Variants in ZMAT4 observed in about 807,000 individuals in gnomAD.
ZMAT4 encodes the protein zinc finger matrin-type 4.
In ZMAT4, 17 loss-of-function variants were observed where a neutral mutation model predicts 28.7. The ratio of observed to expected loss-of-function variants is 0.59; its 90% CI spans 0.41 to 0.89. ZMAT4 has a LOEUF of 0.89. Ranked by LOEUF, ZMAT4 falls within the 40% of genes least tolerant of loss-of-function variation. ZMAT4 has a pLI of 0.00. For synonymous variants in ZMAT4, 117 were observed against 109.2 expected, an observed-to-expected ratio of 1.07 and a Z score of -0.44; for missense variants, 240 against 283.8, an observed-to-expected ratio of 0.85 and a Z score of 1.11.
At chr8:40,711,984 A>G (rs965254766) in intron 3 of ZMAT4, among the ~76,000 whole-genome samples, 5 of 152,190 alleles carry the variant, frequency 3.3e-5, no homozygotes, top group Admixed American at 3.3e-4. Context: ...TTTATAAAAG[A>G]TGAATTCCAG....
intron 1 of ZMAT4, among the ~76,000 whole-genome samples, chr8:40,880,650 GA>G (rs1818189278): frequency 6.6e-6 from 1 of 152,114 alleles, no homozygotes; most frequent in Non-Finnish European, 1.5e-5. Flanking sequence ...CTGAGAGGAA[GA>G]AACGAGGTAC....
At chr8:40,649,940 A>G (rs902237731) in intron 5 of ZMAT4, among the ~76,000 whole-genome samples, 1 of 151,908 alleles carries the variant, frequency 6.6e-6, no homozygotes, top group African/African-American at 2.4e-5. Flanking sequence ...GTAGAGGGAA[A>G]TTTATAGCAC....
intron 3 of ZMAT4, among the ~76,000 whole-genome samples, chr8:40,750,694 G>A (rs1346220694): frequency 6.6e-6 from 1 of 152,068 alleles, no homozygotes; most frequent in Admixed American, 6.5e-5. Context: ...TCAGACACCT[G>A]AAAAAAAGAA....
intron 6 of ZMAT4, among the ~76,000 whole-genome samples, chr8:40,532,521 A>G (rs1404605912): frequency 6.6e-6 from 1 of 152,214 alleles, no homozygotes; most frequent in Non-Finnish European, 1.5e-5. Flanking sequence ...TTAAATAAAA[A>G]TAATGAATTG....
intron 5 of ZMAT4, 36 bp downstream of exon 5, chr8:40,674,668 C>G (rs766746955): frequency 6.4e-7 from 1 of 1,553,120 alleles, no homozygotes; most frequent in South Asian, 1.1e-5. Flanking sequence ...TCTGAAAGCC[C>G]AGTTTTGTGG....
At chr8:40,782,760 A>C (rs1029966164) in intron 2 of ZMAT4, among the ~76,000 whole-genome samples, 3 of 152,224 alleles carry the variant, frequency 2.0e-5, no homozygotes, top group Non-Finnish European at 2.9e-5. Context: ...TTGGTTCTCC[A>C]GAAGAGATAT....
rs540014895 is a variant in ZMAT4 at position 40,709,951 on chromosome 8, T to A, written c.193-12550A>T. ...TACTGGGAAGGCTGAGGCAGGAGAA[T>A]CTCGTGAACCCCGGAGGTGGAGGTG... On this transcript the variant is annotated intron_variant, in intron 3 of 6. Transcript: ENST00000297737. Among the ~76,000 whole-genome samples, 12 of 151,030 alleles carry A rather than the reference T, an allele frequency of 7.9e-5. No homozygotes were observed. In the East Asian group the frequency reaches 2.4e-3, roughly 30 times the overall value.
chr8:40,626,148 T>C (rs894495494), intron 5 of ZMAT4, among the ~76,000 whole-genome samples: 5 of 147,838 alleles, frequency 3.4e-5, no homozygotes, highest in Non-Finnish European at 5.9e-5. Flanking sequence ...TTGGAAGTCT[T>C]GGGGGGTAAA....
rs141252002 is a variant in ZMAT4 at position 40,715,576 on chromosome 8, A to G, written c.193-18175T>C. ...CAGTAGGTGATACTTTTTTACTTTT[A>G]AAAAAGAAATCAAATTTTGAAAAAT... On this transcript the variant is annotated intron_variant, in intron 3 of 6. Transcript: ENST00000297737. 1.1e-4 allele frequency among the ~76,000 whole-genome samples: 17 copies of G among 152,340 alleles called. No homozygotes were observed. The East Asian group carries it at 3.3e-3, about 29-fold the overall frequency.
chr8:40,746,129 A>G (rs931574795), intron 3 of ZMAT4, among the ~76,000 whole-genome samples: 1 of 151,436 alleles, frequency 6.6e-6, no homozygotes, highest in Non-Finnish European at 1.5e-5. Context: ...TAACTCTTCC[A>G]CCCAAATCTC....
intron 3 of ZMAT4, among the ~76,000 whole-genome samples, chr8:40,757,799 C>T (rs1563462743): frequency 2.0e-5 from 3 of 151,902 alleles, no homozygotes; most frequent in Non-Finnish European, 4.4e-5. Flanking sequence ...TGAGGTGTTG[C>T]CAAAGGAGGT....
intron 1 of ZMAT4, among the ~76,000 whole-genome samples, chr8:40,854,009 G>C (rs1047737030): frequency 6.6e-6 from 1 of 152,132 alleles, no homozygotes; most frequent in African/African-American, 2.4e-5. Flanking sequence ...GAAGGTGAAG[G>C]GGGAGCAGTG....
At chr8:40,559,920 C>T (rs1468700594) in intron 6 of ZMAT4, among the ~76,000 whole-genome samples, 1 of 152,058 alleles carries the variant, frequency 6.6e-6, no homozygotes, top group African/African-American at 2.4e-5. Flanking sequence ...ATCCCTATGG[C>T]CCCTTTGGGA....
intron 4 of ZMAT4, among the ~76,000 whole-genome samples, chr8:40,696,768 G>C (rs1480624212): frequency 6.6e-6 from 1 of 152,000 alleles, no homozygotes; most frequent in African/African-American, 2.4e-5. Context: ...GCACACTAAA[G>C]TACTTTTAAA....
chr8:40,698,552 G>A (rs1423036244), intron 3 of ZMAT4, among the ~76,000 whole-genome samples: 1 of 152,164 alleles, frequency 6.6e-6, no homozygotes, highest in African/African-American at 2.4e-5. Context: ...TTCCTAGTGA[G>A]CCCAGACAGT....
intron 1 of ZMAT4, among the ~76,000 whole-genome samples, chr8:40,853,091 A>G (rs1261353078): frequency 6.6e-6 from 1 of 152,196 alleles, no homozygotes; most frequent in Non-Finnish European, 1.5e-5. Context: ...TAAAAATGAC[A>G]TCCCATGAAA....
chr8:40,585,545 C>T (rs1167658139), intron 5 of ZMAT4, among the ~76,000 whole-genome samples: 1 of 152,070 alleles, frequency 6.6e-6, no homozygotes, highest in East Asian at 1.9e-4. Context: ...AATCATACTC[C>T]TTTTGGGAAC....
At chr8:40,896,462 A>G (rs1448469882) in intron 1 of ZMAT4, among the ~76,000 whole-genome samples, 1 of 152,220 alleles carries the variant, frequency 6.6e-6, no homozygotes, top group Non-Finnish European at 1.5e-5. Flanking sequence ...AGGCAGCGCA[A>G]CTGGTGAAGT....
intron 5 of ZMAT4, among the ~76,000 whole-genome samples, chr8:40,583,714 A>G (rs915843263): frequency 6.6e-6 from 1 of 152,140 alleles, no homozygotes; most frequent in South Asian, 2.1e-4. Flanking sequence ...CATTTTAGGG[A>G]GCCACGAGGC....
Sources: gnomAD v4.1 joint callset for allele counts (sites outside exome capture counted in the v4.1 genomes callset) on GRCh38, gnomAD v4.1.1 for gene constraint, MANE v1.5 for transcripts, NCBI Gene and HGNC (gene_info 2026-07-23, HGNC 2026-07-21) for gene names.